Variants in NTN4 observed in about 807,000 individuals in gnomAD.
NTN4 encodes the protein netrin 4.
Under a neutral mutation model 73.6 loss-of-function variants are expected in NTN4, and 32 were observed. That is an observed-to-expected ratio of 0.44 (90% CI 0.33 to 0.58). The LOEUF (loss-of-function observed/expected upper bound fraction) is 0.58. NTN4 is among the 20% of genes least tolerant of loss of function. The pLI, the probability that NTN4 is intolerant of heterozygous loss-of-function variation, is 0.04. For synonymous variants in NTN4, 258 were observed against 287.5 expected (o/e 0.90, Z 1.04); for missense variants, 654 against 798.3 (o/e 0.82, Z 2.18).
At chr12:95,728,613 T>C (rs1212556017) in intron 3 of NTN4, among the ~76,000 whole-genome samples, 2 of 152,228 alleles carry the variant, frequency 1.3e-5, no homozygotes, top group African/African-American at 2.4e-5. Flanking sequence ...TGTGTTCTCT[T>C]TAATTTTAAT....
Position 95,781,310 on chromosome 12 carries a change from T to G in NTN4, c.585+5629A>C, listed in dbSNP as rs1260137494. Among the ~76,000 whole-genome samples the G allele has an allele frequency of 1.3e-5, 2 of 151,840 alleles. No individual in the cohort carries two copies. The highest frequency in any genetic ancestry group is 4.8e-5 in the African/African-American group (2 of 41,326). On this transcript the variant is annotated intron_variant, in intron 2 of 9. Coordinates refer to ENST00000343702, the MANE Select transcript of NTN4 (RefSeq NM_021229.4). The surrounding 1 kb of genome is among the most constrained non-coding windows in gnomAD (Gnocchi z 4.1). ...TAGAACTTAAAGTATAATAAAAAAA[T>G]TTAAAAAACCATACCATTACCATAA...
chr12:95,773,330 C>T (rs1250851838), intron 2 of NTN4, among the ~76,000 whole-genome samples: 1 of 152,124 alleles, frequency 6.6e-6, no homozygotes, highest in Admixed American at 6.5e-5. Context: ...ATCACCCAGA[C>T]TAAAAACAAA....
chr12:95,752,309 T>C (rs28761026), intron 2 of NTN4, among the ~76,000 whole-genome samples: 19,681 of 148,040 alleles, frequency 0.13, 2,812 homozygotes, highest in African/African-American at 0.42. Flanking sequence ...ATCTGCGCCT[T>C]ATCAACCAAA....
chr12:95,669,206 T>TAAA (rs369624673), intron 8 of NTN4, among the ~76,000 whole-genome samples: 8 of 126,024 alleles, frequency 6.3e-5, no homozygotes, highest in East Asian at 6.3e-4. Context: ...AGACTCTGTC[T>TAAA]AAAAAAAAAA....
intron 3 of NTN4, among the ~76,000 whole-genome samples, chr12:95,721,379 A>G (rs1011365892): frequency 1.3e-5 from 2 of 152,184 alleles, no homozygotes; most frequent in Non-Finnish European, 2.9e-5. Flanking sequence ...CACCTGGCAT[A>G]AAGTTCAGGC....
At chr12:95,779,421 CA>C (rs1174924529) in intron 2 of NTN4, among the ~76,000 whole-genome samples, 2 of 152,228 alleles carry the variant, frequency 1.3e-5, no homozygotes, top group Admixed American at 1.3e-4. Context: ...TGTCTCAGCC[CA>C]AAACCTCCTT....
chr12:95,663,184 T>A lies in NTN4; in HGVS notation c.1750+2626A>T, dbSNP rs1469488127. 2.6e-5 allele frequency among the ~76,000 whole-genome samples: 4 copies of A among 152,156 alleles called. No individual in the cohort carries two copies. The East Asian group carries it at 7.7e-4, about 29-fold the overall frequency. Reference sequence around the variant, plus strand: ...TAAGTCTAGTATTTTTACATGAATTTACTTTGAAACTACAAATAGAATAAA... The same window carrying A: ...TAAGTCTAGTATTTTTACATGAATTAACTTTGAAACTACAAATAGAATAAA... On this transcript the variant is annotated intron_variant, in intron 9 of 9. Coordinates refer to ENST00000343702, the MANE Select transcript of NTN4 (RefSeq NM_021229.4).
At chr12:95,741,958 C>G (rs2078830077) in intron 2 of NTN4, among the ~76,000 whole-genome samples, 1 of 152,100 alleles carries the variant, frequency 6.6e-6, no homozygotes, top group Non-Finnish European at 1.5e-5. Flanking sequence ...ATCTGACCCT[C>G]TGAATGAATC....
At chr12:95,686,893 C>G (rs1195741306) in intron 5 of NTN4, among the ~76,000 whole-genome samples, 1 of 152,244 alleles carries the variant, frequency 6.6e-6, no homozygotes, top group Non-Finnish European at 1.5e-5. Context: ...AAGAAACACA[C>G]ACTATACAGT....
At position 95,714,566 on chromosome 12, in the gene NTN4, G is replaced by A. The variant is rs141216364; in HGVS notation, c.865-1228C>T. On this transcript the variant is annotated intron_variant, in intron 3 of 9. Transcript: ENST00000343702. ...AAGAAAGATAAAATGTATAATAGCT[G>A]GAGAAAAAAGAGTTACATAGAAGAA... Among the ~76,000 whole-genome samples the A allele has an allele frequency of 3.3e-5, 5 of 152,072 alleles. No homozygotes were observed. The East Asian group carries it at 9.7e-4, about 29-fold the overall frequency.
chr12:95,768,743 T>C (rs1159978741), intron 2 of NTN4, among the ~76,000 whole-genome samples: 1 of 152,116 alleles, frequency 6.6e-6, no homozygotes, highest in African/African-American at 2.4e-5. Context: ...GAAAAGAACA[T>C]TCAGGAGAAT....
At chr12:95,712,622 G>A (rs1206307893) in intron 4 of NTN4, among the ~76,000 whole-genome samples, 4 of 151,888 alleles carry the variant, frequency 2.6e-5, no homozygotes, top group Admixed American at 1.3e-4. Context: ...TTTATTTAGA[G>A]ACAGAGTTTC....
At chr12:95,732,361 T>C (rs978280366) in intron 3 of NTN4, among the ~76,000 whole-genome samples, 1 of 151,500 alleles carries the variant, frequency 6.6e-6, no homozygotes, top group Non-Finnish European at 1.5e-5. Flanking sequence ...ATCTTAAAGA[T>C]TGAAGAGCTT....
chr12:95,739,135 T>C (rs76309294), intron 2 of NTN4, among the ~76,000 whole-genome samples: 2,292 of 152,324 alleles, frequency 0.015, 40 homozygotes, highest in South Asian at 0.11. Context: ...GGCTGGCACA[T>C]AGTAAGTATT....
intron 5 of NTN4, among the ~76,000 whole-genome samples, chr12:95,690,536 G>A (rs2078394269): frequency 1.3e-5 from 2 of 152,022 alleles, no homozygotes; most frequent in Admixed American, 6.6e-5. Flanking sequence ...TTTTTATTAT[G>A]AGAACATTTA....
intron 4 of NTN4, among the ~76,000 whole-genome samples, chr12:95,712,319 A>G (rs903076036): frequency 6.6e-6 from 1 of 152,176 alleles, no homozygotes; most frequent in Non-Finnish European, 1.5e-5. Flanking sequence ...TTTCATTTCA[A>G]GCATCATAAA....
intron 5 of NTN4, among the ~76,000 whole-genome samples, chr12:95,700,456 T>C (rs952988291): frequency 1.3e-5 from 2 of 152,140 alleles, no homozygotes; most frequent in African/African-American, 4.8e-5. Flanking sequence ...ACTCTAAGAT[T>C]GCACATTTTG....
At chr12:95,779,340 A>G (rs2079116293) in intron 2 of NTN4, among the ~76,000 whole-genome samples, 1 of 152,246 alleles carries the variant, frequency 6.6e-6, no homozygotes, top group Admixed American at 6.5e-5. Context: ...AATAAAGCGT[A>G]TTCAATTAGG....
At chr12:95,740,404 T>A (rs1326849403) in intron 2 of NTN4, among the ~76,000 whole-genome samples, 1 of 152,146 alleles carries the variant, frequency 6.6e-6, no homozygotes, top group African/African-American at 2.4e-5. Context: ...AGGGAATGTA[T>A]CTATAGGCCC....
Sources: gnomAD v4.1 joint callset for allele counts (sites outside exome capture counted in the v4.1 genomes callset) on GRCh38, gnomAD v4.1.1 for gene constraint, Gnocchi (gnomAD v3.1) non-coding constraint, MANE v1.5 for transcripts, NCBI Gene and HGNC (gene_info 2026-07-23, HGNC 2026-07-21) for gene names.